RBMX2: variants seen among roughly 807,000 people sequenced by gnomAD.
RBMX2 encodes RNA-binding motif protein, X-linked 2.
For missense variants in RBMX2, 191 were observed against 256.0 expected (o/e 0.75, Z 1.73); for synonymous variants, 77 against 94.3 (o/e 0.82, Z 1.07).
chrX:130,412,284 T>A, intron 5 of RBMX2, 77 bp from the exon 6 acceptor site: 1 of 1,034,199 alleles, frequency 9.7e-7, no homozygotes, highest in Non-Finnish European at 1.3e-6. Context: ...AAAAGAAAGG[T>A]GCTTTTTTTT....
chrX:130,402,413 C>T, intron 2 of RBMX2, 43 bp downstream of exon 2: 1 of 1,183,268 alleles, frequency 8.5e-7, no homozygotes, highest in Non-Finnish European at 1.1e-6. Context: ...CCAGATTCTC[C>T]TGCTCGGTTT....
chrX:130,403,716 C>T, intron 2 of RBMX2, 86 bp from the exon 3 acceptor site: 1 of 886,566 alleles, frequency 1.1e-6, no homozygotes, highest in Non-Finnish European at 1.7e-6. Context: ...CTTACTGTTT[C>T]CACCCCTAGT....
chrX:130,402,056 T>G lies in RBMX2; in HGVS notation c.5+19T>G. The stretch of plus-strand genomic sequence containing the variant: ...AGATGAAGTAAGGCGTCAGCTTCCT[T>G]TTGAGGAAGGAGCAGCGGGCCACTG... On this transcript the variant is annotated intron_variant, in intron 1 of 5. Coordinates refer to ENST00000305536, the MANE Select transcript of RBMX2 (RefSeq NM_016024.4). 8.4e-7 allele frequency: 1 copy of G among 1,197,204 alleles called. No homozygotes were observed. The highest frequency in any genetic ancestry group is 1.1e-6 in the Non-Finnish European group (1 of 888,107).
intron 1 of RBMX2, 30 bp from the exon 2 acceptor site, chrX:130,402,225 A>AGCC: frequency 9.1e-6 from 9 of 984,777 alleles, no homozygotes; most frequent in Non-Finnish European, 9.8e-6. Flanking sequence ...TTTTCTGCCT[A>AGCC]CCCTCCCCAC....
intron 3 of RBMX2, among the ~76,000 whole-genome samples, chrX:130,405,834 T>TC (rs2034482141): frequency 8.9e-4 from 1 of 1,126 alleles, no homozygotes; most frequent in Non-Finnish European, 1.5e-3. Flanking sequence ...TTGCTTTGCC[T>TC]TTTTTTTTTT....
chrX:130,402,048 A>T lies in RBMX2; in HGVS notation c.5+11A>T. ...ACCCGAGGAGATGAAGTAAGGCGTC[A>T]GCTTCCTTTTGAGGAAGGAGCAGCG... On this transcript the variant is annotated intron_variant, in intron 1 of 5. Transcript: ENST00000305536. 8.3e-7 allele frequency: 1 copy of T among 1,198,739 alleles called. No homozygotes were observed. Among genetic ancestry groups the T allele is most frequent in the Non-Finnish European group, 1.1e-6 (1 of 888,767 alleles).
intron 3 of RBMX2, among the ~76,000 whole-genome samples, chrX:130,405,142 G>A (rs1411119343): frequency 1.8e-5 from 2 of 111,741 alleles, no homozygotes; most frequent in Non-Finnish European, 3.8e-5. Flanking sequence ...ACTTTGGGAG[G>A]CTGAGGTGGG....
At chrX:130,403,441 G>A (rs1470072376) in intron 2 of RBMX2, among the ~76,000 whole-genome samples, 4 of 111,856 alleles carry the variant, frequency 3.6e-5, no homozygotes, top group Admixed American at 9.4e-5. Flanking sequence ...CGATCTCGGC[G>A]CACTACAACC....
intron 3 of RBMX2, among the ~76,000 whole-genome samples, chrX:130,406,100 C>T (rs2034484183): frequency 1.5e-5 from 1 of 66,547 alleles, no homozygotes; most frequent in Admixed American, 1.5e-4. Context: ...CGTGATCCGC[C>T]CGCCTCGGCC....
Position 130,407,831 on chromosome X carries a change from A to T in RBMX2, c.174-1426A>T, listed in dbSNP as rs776586479. Among the ~76,000 whole-genome samples the T allele has an allele frequency of 2.9e-4, 32 of 109,279 alleles. No individual in the cohort carries two copies. The East Asian group carries it at 4.0e-3, about 14-fold the overall frequency. The allele number at this position is 109,279 out of a possible 115,157, so 94.9% of individuals were successfully genotyped here. A position where few individuals can be genotyped will look rare whatever the true frequency, so the allele number is the denominator to read the frequency against. ...CACTATGCCTGGCTAATTAAAAAAA[A>T]TTTTTTTTGTAGAGACAGGGGTCTG... On this transcript the variant is annotated intron_variant, in intron 3 of 5. Coordinates refer to ENST00000305536, the MANE Select transcript of RBMX2 (RefSeq NM_016024.4).
chrX:130,411,535 T>A lies in RBMX2; in HGVS notation c.481+10T>A. ...AAAAAGCACAAAAAAGGTAAAGCAT[T>A]AAGACTTAAGAGAAGATTCTGGGTG... is the stretch of plus-strand genomic sequence containing the variant. On this transcript the variant is annotated intron_variant, in intron 5 of 5. Transcript: ENST00000305536. The A allele has an allele frequency of 8.6e-7, 1 of 1,163,911 alleles. No homozygotes were observed.
chrX:130,402,234 A>AC lies in RBMX2; in HGVS notation c.6-13dup, dbSNP rs368717541. 2,276 of 590,115 alleles carry AC rather than the reference A, an allele frequency of 3.9e-3. 17 individuals are homozygous for AC. In the African/African-American group the frequency reaches 0.058, roughly 15 times the overall value. The allele number at this position is 590,115 out of a possible 1,213,427, so 48.6% of individuals were successfully genotyped here. A position where few individuals can be genotyped will look rare whatever the true frequency, so the allele number is the denominator to read the frequency against. On this transcript the variant is annotated intron_variant, in intron 1 of 5. Coordinates refer to ENST00000305536, the MANE Select transcript of RBMX2 (RefSeq NM_016024.4). ...GTCTGCTTTTCTGCCTACCCTCCCCACCCCCCCCGCCACCGTGAAGCCCTT... is the reference window on the plus strand; with the variant it reads ...GTCTGCTTTTCTGCCTACCCTCCCCACCCCCCCCCGCCACCGTGAAGCCCTT...
chrX:130,409,620 A>G (rs2034502413), intron 4 of RBMX2, among the ~76,000 whole-genome samples: 1 of 111,609 alleles, frequency 9.0e-6, no homozygotes, highest in South Asian at 3.8e-4. Context: ...TCTCCCCAGG[A>G]GCATAGGCAC....
Position 130,412,978 on chromosome X carries a change from A to C in RBMX2, c.*130A>C. On this transcript the variant is annotated 3_prime_UTR_variant, in exon 6 of 6. Transcript: ENST00000305536. Reference sequence around the variant, plus strand: ...TTCTTTTAATCCCTTGACTATTTAGAGTCATTGGGAGGGCTGCAGTTTCAA... The same window carrying C: ...TTCTTTTAATCCCTTGACTATTTAGCGTCATTGGGAGGGCTGCAGTTTCAA... 1 of 657,754 alleles carries C rather than the reference A, an allele frequency of 1.5e-6. No individual in the cohort carries two copies. Among genetic ancestry groups the C allele is most frequent in the South Asian group, 3.0e-5 (1 of 32,813 alleles). The allele number at this position is 657,754 out of a possible 1,213,427, so 54.2% of individuals were successfully genotyped here. A position where few individuals can be genotyped will look rare whatever the true frequency, so the allele number is the denominator to read the frequency against.
chrX:130,411,919 C>G (rs1194347096), intron 5 of RBMX2, among the ~76,000 whole-genome samples: 3 of 111,167 alleles, frequency 2.7e-5, no homozygotes, highest in Non-Finnish European at 5.7e-5. Flanking sequence ...GGTTGTTCTC[C>G]TTATGCACAT....
In RBMX2 at chrX:130,411,133, C is replaced by T. The variant is rs1603271840; in HGVS notation, c.304-215C>T. On this transcript the variant is annotated intron_variant, in intron 4 of 5. Coordinates refer to ENST00000305536, the MANE Select transcript of RBMX2 (RefSeq NM_016024.4). ...GTGATGAGGCTGCTGGTACAACTGC[C>T]CCAGGCCTCATCTGGCTGCACTGAG... 2.6e-5 allele frequency: 8 copies of T among 302,801 alleles called. No individual in the cohort carries two copies. The East Asian group carries it at 3.9e-4, about 15-fold the overall frequency. The allele number at this position is 302,801 out of a possible 1,213,427, so 25.0% of individuals were successfully genotyped here. A position where few individuals can be genotyped will look rare whatever the true frequency, so the allele number is the denominator to read the frequency against.
chrX:130,403,621 C>T (rs751475433), intron 2 of RBMX2, among the ~76,000 whole-genome samples, 181 bp from the exon 3 acceptor site: 6 of 112,128 alleles, frequency 5.4e-5, no homozygotes, highest in Admixed American at 1.9e-4. Flanking sequence ...GATCCACCCT[C>T]CTCAGCCTCC....
chrX:130,407,213 TG>T (rs2034490202), intron 3 of RBMX2, among the ~76,000 whole-genome samples: 1 of 109,817 alleles, frequency 9.1e-6, no homozygotes, highest in Non-Finnish European at 1.9e-5. Flanking sequence ...AAAGAATACC[TG>T]TATCTCCTTC....
intron 3 of RBMX2, among the ~76,000 whole-genome samples, chrX:130,406,525 T>C (rs1289590545): frequency 1.8e-5 from 2 of 109,554 alleles, no homozygotes; most frequent in Admixed American, 9.7e-5. Context: ...ATACAAAAAG[T>C]AGCCAGGTGT....
Sources: gnomAD v4.1 joint callset for allele counts (sites outside exome capture counted in the v4.1 genomes callset) on GRCh38, gnomAD v4.1.1 for gene constraint, MANE v1.5 for transcripts, NCBI Gene and HGNC (gene_info 2026-07-23, HGNC 2026-07-21) for gene names.